Variants in XIRP2 observed in about 807,000 individuals in gnomAD.
XIRP2 encodes the protein xin actin binding repeat containing 2.
In XIRP2, 236 loss-of-function variants were observed where a neutral mutation model predicts 277.0. The ratio of observed to expected loss-of-function variants is 0.85; its 90% CI spans 0.77 to 0.95. XIRP2 has a LOEUF of 0.95. Ranked by LOEUF, XIRP2 falls within the 40% of genes least tolerant of loss-of-function variation. The pLI is 0.00. For missense variants in XIRP2, 4,640 were observed against 4,157.5 expected, an observed-to-expected ratio of 1.12 and a Z score of -3.19; for synonymous variants, 1,490 against 1,416.5, an observed-to-expected ratio of 1.05 and a Z score of -1.17.
intron 3 of XIRP2, among the ~76,000 whole-genome samples, chr2:167,181,997 G>A (rs961786642): frequency 2.0e-5 from 3 of 151,916 alleles, no homozygotes; most frequent in African/African-American, 4.8e-5. Flanking sequence ...AATTTATCAC[G>A]GTCGCTCTAC....
intron 2 of XIRP2, among the ~76,000 whole-genome samples, chr2:166,914,361 G>A (rs192435945): frequency 7.4e-4 from 112 of 152,210 alleles, no homozygotes; most frequent in African/African-American, 2.6e-3. Context: ...TGTTTTTTGA[G>A]ATGGAGTCTC....
At chr2:167,160,657 A>T (rs1692336759) in intron 3 of XIRP2, among the ~76,000 whole-genome samples, 1 of 152,150 alleles carries the variant, frequency 6.6e-6, no homozygotes, top group African/African-American at 2.4e-5. Flanking sequence ...CCCATGATTC[A>T]ATTGCCTCCC....
chr2:167,256,017 T>C (rs1204136704), intron 10 of XIRP2, among the ~76,000 whole-genome samples: 1 of 151,788 alleles, frequency 6.6e-6, no homozygotes, highest in South Asian at 2.1e-4. Context: ...GTATATTTTT[T>C]CTTAAATATA....
intron 3 of XIRP2, among the ~76,000 whole-genome samples, chr2:167,202,906 G>A (rs996275901): frequency 6.6e-6 from 1 of 152,130 alleles, no homozygotes; most frequent in Non-Finnish European, 1.5e-5. Context: ...GCCCTTCCCA[G>A]GTTCCAGAAG....
chr2:167,142,569 AAT>A (rs1691751386), intron 3 of XIRP2, among the ~76,000 whole-genome samples: 11 of 152,112 alleles, frequency 7.2e-5, no homozygotes, highest in Admixed American at 6.6e-4. Context: ...AAAATAAAAA[AAT>A]AAAAAAAAAG....
At chr2:167,041,145 G>A (rs1199010665) in intron 2 of XIRP2, among the ~76,000 whole-genome samples, 5 of 152,288 alleles carry the variant, frequency 3.3e-5, no homozygotes, top group South Asian at 2.1e-4. Flanking sequence ...GGCTAGGAGC[G>A]CTGAGCTAAG....
chr2:166,948,209 A>G (rs144410562), intron 2 of XIRP2, among the ~76,000 whole-genome samples: 102 of 152,246 alleles, frequency 6.7e-4, no homozygotes, highest in African/African-American at 2.3e-3. Flanking sequence ...ATTGTAAACC[A>G]TGGACTTTGT....
At chr2:166,924,250 G>A (rs1452512397) in intron 2 of XIRP2, among the ~76,000 whole-genome samples, 1 of 151,990 alleles carries the variant, frequency 6.6e-6, no homozygotes, top group African/African-American at 2.4e-5. Context: ...GAAATACCTG[G>A]GTTAGGAAGT....
chr2:166,939,486 C>T (rs1685626725), intron 2 of XIRP2, among the ~76,000 whole-genome samples: 1 of 151,950 alleles, frequency 6.6e-6, no homozygotes, highest in African/African-American at 2.4e-5. Flanking sequence ...CAAGACCATC[C>T]TGGCTAACAC....
In XIRP2 at chr2:167,247,269, GC is replaced by G; in HGVS notation, c.5878del (p.Gln1960ArgfsTer50). The G allele has an allele frequency of 6.2e-7, 1 of 1,613,668 alleles. No individual in the cohort carries two copies. The highest frequency in any genetic ancestry group is 8.5e-7 in the Non-Finnish European group (1 of 1,179,812). ...KAVMAGSSGEQKTDIHQVAVQ... is the reference protein window; with the variant it reads ...KAVMAGSSGEXKTDIHQVAVQ... ...CTGTGATGGCAGGATCCTCGGGAGAGCAGAAAACAGATATTCATCAGGTTGC... is the reference window on the plus strand; with the variant it reads ...CTGTGATGGCAGGATCCTCGGGAGAGAGAAAACAGATATTCATCAGGTTGC... On this transcript the variant is annotated frameshift_variant, in exon 9 of 11. Transcript: ENST00000409195. LOFTEE classifies it high-confidence loss of function.
At chr2:167,118,069 C>T (rs1380715299) in intron 2 of XIRP2, among the ~76,000 whole-genome samples, 1 of 151,948 alleles carries the variant, frequency 6.6e-6, no homozygotes, top group African/African-American at 2.4e-5. Context: ...ATGTTTTTTC[C>T]CCCACCAAAA....
intron 2 of XIRP2, among the ~76,000 whole-genome samples, chr2:166,913,524 C>G (rs868340188): frequency 2.6e-5 from 4 of 152,306 alleles, no homozygotes; most frequent in African/African-American, 9.6e-5. Flanking sequence ...ATTCAGCCAT[C>G]TTGGAACCGC....
intron 5 of XIRP2, among the ~76,000 whole-genome samples, chr2:167,232,242 T>C (rs775297120): frequency 3.3e-5 from 5 of 152,020 alleles, no homozygotes; most frequent in Non-Finnish European, 7.4e-5. Flanking sequence ...ATAAACTGAC[T>C]GTTCACTAGG....
chr2:167,145,525 A>T (rs1045585301), intron 3 of XIRP2, among the ~76,000 whole-genome samples: 44 of 152,218 alleles, frequency 2.9e-4, no homozygotes, highest in African/African-American at 9.6e-4. Context: ...ATTATATCAT[A>T]ATATTTTTCA....
intron 2 of XIRP2, among the ~76,000 whole-genome samples, chr2:167,077,957 G>C (rs1689618926): frequency 6.6e-6 from 1 of 152,058 alleles, no homozygotes; most frequent in Non-Finnish European, 1.5e-5. Context: ...CGGCTATTTG[G>C]GCTTTTGTTT....
chr2:166,939,601 A>G (rs1454215736), intron 2 of XIRP2, among the ~76,000 whole-genome samples: 1 of 144,624 alleles, frequency 6.9e-6, no homozygotes, highest in Non-Finnish European at 1.5e-5. Context: ...AATGGCGTGA[A>G]CCCAGGAGGT....
chr2:166,936,812 G>A (rs567697124), intron 2 of XIRP2, among the ~76,000 whole-genome samples: 2 of 152,218 alleles, frequency 1.3e-5, no homozygotes, highest in South Asian at 4.2e-4. Context: ...TTTGGTTACT[G>A]TAGCCTTGTA....
At chr2:167,141,643 G>A (rs1020361448) in intron 3 of XIRP2, among the ~76,000 whole-genome samples, 1 of 152,010 alleles carries the variant, frequency 6.6e-6, no homozygotes, top group Non-Finnish European at 1.5e-5. Context: ...AAGGAGGATT[G>A]CTTGAGGTCA....
chr2:166,918,646 T>C (rs1684953580), intron 2 of XIRP2, among the ~76,000 whole-genome samples: 1 of 152,102 alleles, frequency 6.6e-6, no homozygotes, highest in Non-Finnish European at 1.5e-5. Context: ...GAAAACTAAA[T>C]GGAATGTGGA....
Sources: gnomAD v4.1 joint callset for allele counts (sites outside exome capture counted in the v4.1 genomes callset) on GRCh38, gnomAD v4.1.1 for gene constraint, MANE v1.5 for transcripts, NCBI Gene and HGNC (gene_info 2026-07-23, HGNC 2026-07-21) for gene names.